The following TBL1X variants were observed in gnomAD, a reference collection of about 807,000 sequenced individuals.
TBL1X encodes F-box-like/WD repeat-containing protein TBL1X.
A neutral mutation model predicts 50.7 loss-of-function variants in TBL1X; 10 were observed. The ratio of observed to expected loss-of-function variants is 0.20; its 90% confidence interval spans 0.12 to 0.33. The LOEUF (loss-of-function observed/expected upper bound fraction) is 0.33. Among genes scored for constraint, TBL1X ranks in the 10% least tolerant of loss-of-function variants. The probability of loss-of-function intolerance (pLI) is 1.00; values close to 1 mark genes in which losing one functional copy is unlikely to be tolerated. For synonymous variants in TBL1X, 190 were observed against 214.7 expected, an observed-to-expected ratio of 0.88 and a Z score of 1.01; for missense variants, 340 against 504.4, an observed-to-expected ratio of 0.67 and a Z score of 3.12.
intron 2 of TBL1X, among the ~76,000 whole-genome samples, chrX:9,555,885 G>A (rs1345596706): frequency 1.8e-5 from 2 of 111,417 alleles, no homozygotes; most frequent in Non-Finnish European, 3.8e-5. Flanking sequence ...TGGAGTGGAT[G>A]GGAGAATAAA....
chrX:9,662,935 C>T (rs1245372486), intron 5 of TBL1X, among the ~76,000 whole-genome samples: 1 of 111,808 alleles, frequency 8.9e-6, no homozygotes, highest in Non-Finnish European at 1.9e-5. Flanking sequence ...CCAGCCTGGA[C>T]AAAAGAGTGA....
At chrX:9,657,628 A>G (rs747053054) in intron 5 of TBL1X, among the ~76,000 whole-genome samples, 1 of 112,628 alleles carries the variant, frequency 8.9e-6, no homozygotes, top group Non-Finnish European at 1.9e-5. Flanking sequence ...TCTGGCTTTT[A>G]GCAAACCACA....
chrX:9,570,275 A>T (rs1386735791), intron 2 of TBL1X, among the ~76,000 whole-genome samples: 1 of 111,890 alleles, frequency 8.9e-6, no homozygotes, highest in Non-Finnish European at 1.9e-5. Context: ...ATGCATATGG[A>T]GTGCTGCGAA....
chrX:9,476,686 A>C (rs1226052950), intron 1 of TBL1X, among the ~76,000 whole-genome samples: 1 of 112,147 alleles, frequency 8.9e-6, no homozygotes, highest in Non-Finnish European at 1.9e-5. Context: ...GGAATCTGTG[A>C]GTACACTAAC....
chrX:9,586,207 G>C (rs1020048961), intron 2 of TBL1X, among the ~76,000 whole-genome samples: 1 of 112,190 alleles, frequency 8.9e-6, no homozygotes, highest in Non-Finnish European at 1.9e-5. Flanking sequence ...TTAGAGCAGC[G>C]TTATTTATAT....
intron 2 of TBL1X, among the ~76,000 whole-genome samples, chrX:9,598,556 G>C (rs187254585): frequency 1.7e-4 from 19 of 112,019 alleles, no homozygotes; most frequent in African/African-American, 4.9e-4. Context: ...AGACTGGCCA[G>C]ATCTGGATGG....
intron 2 of TBL1X, among the ~76,000 whole-genome samples, chrX:9,519,133 G>A (rs150953890): frequency 8.9e-6 from 1 of 112,091 alleles, no homozygotes; most frequent in East Asian, 2.8e-4. Flanking sequence ...TCTTGTCCAT[G>A]GTACGTGGAA....
chrX:9,659,140 A>G (rs764713587), intron 5 of TBL1X, among the ~76,000 whole-genome samples: 1 of 112,011 alleles, frequency 8.9e-6, no homozygotes, highest in South Asian at 3.7e-4. Flanking sequence ...AATATTTTTT[A>G]AAGAAGTAGA....
intron 2 of TBL1X, among the ~76,000 whole-genome samples, chrX:9,596,434 G>T (rs371092831): frequency 2.7e-5 from 3 of 111,650 alleles, no homozygotes; most frequent in East Asian, 5.6e-4. Flanking sequence ...TTCCCCAGGG[G>T]ACATTTGGCA....
chrX:9,628,865 GA>G (rs1348486826), intron 2 of TBL1X, among the ~76,000 whole-genome samples: 1 of 111,992 alleles, frequency 8.9e-6, no homozygotes, highest in Non-Finnish European at 1.9e-5. Context: ...ATGTTTTTAC[GA>G]GGCGTTTTGG....
At chrX:9,706,549 C>G (rs2083208728) in intron 13 of TBL1X, among the ~76,000 whole-genome samples, 1 of 110,996 alleles carries the variant, frequency 9.0e-6, no homozygotes, top group Non-Finnish European at 1.9e-5. Flanking sequence ...AGAGAAAATC[C>G]TAAAGGCAAG....
intron 2 of TBL1X, among the ~76,000 whole-genome samples, chrX:9,509,871 C>T (rs2082046969): frequency 9.0e-6 from 1 of 110,662 alleles, no homozygotes; most frequent in African/African-American, 3.3e-5. Flanking sequence ...CTGCATGCTG[C>T]GAGTCTGTGT....
At chrX:9,713,242 A>G (rs1186270504) in intron 16 of TBL1X, among the ~76,000 whole-genome samples, 16 of 111,115 alleles carry the variant, frequency 1.4e-4, no homozygotes, top group Non-Finnish European at 3.0e-4. Context: ...CACGCATCTC[A>G]GCACTAGTGT....
chrX:9,494,086 C>A (rs1270715038), intron 1 of TBL1X, among the ~76,000 whole-genome samples: 3 of 111,935 alleles, frequency 2.7e-5, no homozygotes, highest in Admixed American at 1.9e-4. Flanking sequence ...GATCATACCG[C>A]CACTGCCAGT....
chrX:9,656,279 C>G (rs892946330), intron 5 of TBL1X, among the ~76,000 whole-genome samples: 3 of 112,213 alleles, frequency 2.7e-5, no homozygotes, highest in Admixed American at 1.9e-4. Flanking sequence ...ATTTGAGATT[C>G]TTTCCATTTA....
intron 2 of TBL1X, among the ~76,000 whole-genome samples, chrX:9,608,737 T>C (rs1326688458): frequency 8.9e-6 from 1 of 112,319 alleles, no homozygotes; most frequent in Non-Finnish European, 1.9e-5. Flanking sequence ...TAATATTCAA[T>C]TACTTTTCGT....
At chrX:9,568,178 A>T in intron 2 of TBL1X, among the ~76,000 whole-genome samples, 1 of 111,657 alleles carries the variant, frequency 9.0e-6, no homozygotes, top group African/African-American at 3.3e-5. Flanking sequence ...GACGCCATGC[A>T]TCTTCTTGTC....
rs180914707 is a variant in TBL1X, at chrX:9,558,797, G to A, written c.-131+56948G>A. On this transcript the variant is annotated intron_variant, in intron 2 of 17. Coordinates refer to ENST00000645353, the MANE Select transcript of TBL1X (RefSeq NM_005647.4). ...CAGCAGCCCAGCTGGGACTCTGAGA[G>A]CTCTAAGATACGTCCTTGGAGTAAA... Among the ~76,000 whole-genome samples, 14 of 111,714 alleles carry A rather than the reference G, an allele frequency of 1.3e-4. 1 individual carries two copies. The highest frequency in any genetic ancestry group is 5.7e-4 in the Admixed American group (6 of 10,522).
chrX:9,574,459 GAAA>G (rs376384853), intron 2 of TBL1X, among the ~76,000 whole-genome samples: 2 of 30,121 alleles, frequency 6.6e-5, no homozygotes, highest in Non-Finnish European at 1.3e-4. Flanking sequence ...TGTCTCAAAT[GAAA>G]AAAAAAAAAA....
Sources: allele counts gnomAD v4.1 joint callset (sites outside exome capture counted in the v4.1 genomes callset), GRCh38; gene constraint gnomAD v4.1.1; transcripts MANE v1.5; gene names NCBI Gene and HGNC (gene_info 2026-07-23, HGNC 2026-07-21).